CYSLTR2: variants seen among roughly 807,000 people sequenced by gnomAD.
CYSLTR2 encodes cysteinyl leukotriene receptor 2.
For synonymous variants in CYSLTR2, 179 were observed against 160.8 expected (o/e 1.11, Z -0.86); for missense variants, 398 against 411.9 (o/e 0.97, Z 0.29).
At chr13:48,657,135 G>A (rs957514143) in intron 1 of CYSLTR2, among the ~76,000 whole-genome samples, 2 of 152,212 alleles carry the variant, frequency 1.3e-5, no homozygotes, top group African/African-American at 4.8e-5. Context: ...GACTTTATTA[G>A]TTACAGCTAA....
At chr13:48,696,840 T>A (rs1255164103) in intron 4 of CYSLTR2, among the ~76,000 whole-genome samples, 1 of 152,184 alleles carries the variant, frequency 6.6e-6, no homozygotes, top group African/African-American at 2.4e-5. Context: ...CAGGAGATTA[T>A]ATCCCGCACA....
intron 1 of CYSLTR2, among the ~76,000 whole-genome samples, chr13:48,677,331 G>A (rs1953623838): frequency 6.6e-6 from 1 of 152,000 alleles, no homozygotes; most frequent in African/African-American, 2.4e-5. Flanking sequence ...TTAGGAAGAA[G>A]ATAATGACCA....
intron 1 of CYSLTR2, among the ~76,000 whole-genome samples, chr13:48,679,470 G>T (rs1939811935): frequency 6.6e-6 from 1 of 152,168 alleles, no homozygotes; most frequent in South Asian, 2.1e-4. Flanking sequence ...TGTTTTGATT[G>T]AGCAGACAAC....
intron 4 of CYSLTR2, among the ~76,000 whole-genome samples, chr13:48,700,330 T>C (rs900181685): frequency 6.6e-6 from 1 of 152,180 alleles, no homozygotes; most frequent in African/African-American, 2.4e-5. Context: ...CACGATCAAG[T>C]TGGCTTCATC....
intron 1 of CYSLTR2, among the ~76,000 whole-genome samples, chr13:48,677,930 G>A (rs1387308743): frequency 2.0e-5 from 3 of 149,110 alleles, no homozygotes; most frequent in African/African-American, 5.0e-5. Context: ...GTGCAGTGGC[G>A]CAATCTTGGC....
chr13:48,696,260 A>G (rs947367150), intron 3 of CYSLTR2, among the ~76,000 whole-genome samples: 1 of 152,058 alleles, frequency 6.6e-6, no homozygotes, highest in Admixed American at 6.5e-5. Flanking sequence ...TGCTTGTTTT[A>G]CTGTTGATAT....
At chr13:48,705,018 C>T (rs1954444680) in intron 4 of CYSLTR2, among the ~76,000 whole-genome samples, 2 of 152,132 alleles carry the variant, frequency 1.3e-5, no homozygotes, top group African/African-American at 4.8e-5. Context: ...CTATTTGCTT[C>T]ATCAATTGCT....
intron 1 of CYSLTR2, among the ~76,000 whole-genome samples, chr13:48,683,491 GC>G (rs1953813678): frequency 6.6e-6 from 1 of 151,952 alleles, no homozygotes; most frequent in Non-Finnish European, 1.5e-5. Context: ...GTGATATTGA[GC>G]TTTTTTTTCA....
chr13:48,654,609 A>G lies in CYSLTR2; in HGVS notation c.-266+592A>G, dbSNP rs17072038. Among the ~76,000 whole-genome samples the G allele has an allele frequency of 4.0e-3, 612 of 152,262 alleles. 8 individuals are homozygous for G. The highest frequency in any genetic ancestry group is 0.014 in the African/African-American group (572 of 41,546). On this transcript the variant is annotated intron_variant, in intron 1 of 4. Coordinates refer to ENST00000682523, the MANE Select transcript of CYSLTR2 (RefSeq NM_001308476.3). ...TAGAAGAAGTTAAATCTGAGCACATATATTTCAATGGTTTTGCTCAGAGGC... is the reference window on the plus strand; with the variant it reads ...TAGAAGAAGTTAAATCTGAGCACATGTATTTCAATGGTTTTGCTCAGAGGC...
rs1954621174 is a variant in CYSLTR2 at position 48,711,184 on chromosome 13, A to G, written c.*3326A>G. 2 of 152,222 alleles carry G rather than the reference A, an allele frequency of 1.3e-5. No homozygotes were observed. The highest frequency in any genetic ancestry group is 1.3e-4 in the Admixed American group (2 of 15,286). The allele number at this position is 152,222 out of a possible 1,614,324, so 9.4% of individuals were successfully genotyped here. A position where few individuals can be genotyped will look rare whatever the true frequency, so the allele number is the denominator to read the frequency against. On this transcript the variant is annotated 3_prime_UTR_variant, in exon 5 of 5. Coordinates refer to ENST00000682523, the MANE Select transcript of CYSLTR2 (RefSeq NM_001308476.3). ...CTAACTTGTGAATATGTATTTCTGA[A>G]GTAAAATAAAAATTAAGTTAAAATT...
chr13:48,707,495 G>A lies in CYSLTR2; in HGVS notation c.678G>A (p.Arg226=). The A allele has an allele frequency of 6.2e-7, 1 of 1,612,464 alleles. No individual in the cohort carries two copies. The highest frequency in any genetic ancestry group is 1.7e-5 in the Admixed American group (1 of 60,018). ...GCATCTGTTATCTGCTGATCATTCG[G>A]GTTCTGTTAAAAGTGGAGGTCCCAG... ...TLSICYLLII[R]VLLKVEVPES... The change falls in exon 5 of 5, where the codon CGG becomes CGA. Residue 226 remains arginine (R), a synonymous_variant. Coordinates refer to ENST00000682523, the MANE Select transcript of CYSLTR2 (RefSeq NM_001308476.3).
At chr13:48,670,561 C>G (rs1953398032) in intron 1 of CYSLTR2, among the ~76,000 whole-genome samples, 1 of 152,092 alleles carries the variant, frequency 6.6e-6, no homozygotes, top group African/African-American at 2.4e-5. Context: ...TTGTTTTTGT[C>G]AGTTTTGTCA....
chr13:48,666,824 T>C (rs1323314747), intron 1 of CYSLTR2, among the ~76,000 whole-genome samples: 1 of 152,222 alleles, frequency 6.6e-6, no homozygotes, highest in Admixed American at 6.5e-5. Flanking sequence ...CATTGAATTG[T>C]CTATCTGTAT....
At chr13:48,663,213 TG>T (rs1270946608) in intron 1 of CYSLTR2, among the ~76,000 whole-genome samples, 4 of 152,338 alleles carry the variant, frequency 2.6e-5, no homozygotes, top group African/African-American at 7.2e-5. Flanking sequence ...TGTCTGCTTT[TG>T]TTAGTAACAT....
chr13:48,683,939 C>T (rs1953827188), intron 1 of CYSLTR2, among the ~76,000 whole-genome samples: 1 of 152,100 alleles, frequency 6.6e-6, no homozygotes, highest in African/African-American at 2.4e-5. Flanking sequence ...AATTATTTTA[C>T]AGACAGTCTC....
chr13:48,665,497 G>T (rs8002802), intron 1 of CYSLTR2, among the ~76,000 whole-genome samples: 20,326 of 151,968 alleles, frequency 0.13, 2,219 homozygotes, highest in African/African-American at 0.29. Context: ...GTGGTCTAGT[G>T]TTGGGTGCAT....
intron 1 of CYSLTR2, among the ~76,000 whole-genome samples, chr13:48,654,308 TGTGTGTG>T (rs1952950243): frequency 1.4e-5 from 2 of 143,928 alleles, no homozygotes; most frequent in African/African-American, 5.2e-5. Flanking sequence ...TGTGTGTGAG[TGTGTGTG>T]TGTGTGTGTG....
intron 1 of CYSLTR2, among the ~76,000 whole-genome samples, chr13:48,656,788 TTAAGA>T (rs1953008454): frequency 6.6e-6 from 1 of 152,206 alleles, no homozygotes; most frequent in African/African-American, 2.4e-5. Flanking sequence ...GGGTAAGCCT[TTAAGA>T]TAAAAGCCTC....
intron 1 of CYSLTR2, among the ~76,000 whole-genome samples, chr13:48,655,924 G>T (rs1952986267): frequency 6.6e-6 from 1 of 152,106 alleles, no homozygotes; most frequent in African/African-American, 2.4e-5. Context: ...TATATAATTG[G>T]CTATTCTGTA....
Sources: allele counts gnomAD v4.1 joint callset (sites outside exome capture counted in the v4.1 genomes callset), GRCh38; gene constraint gnomAD v4.1.1; transcripts MANE v1.5; gene names NCBI Gene and HGNC (gene_info 2026-07-23, HGNC 2026-07-21).